Variants in PTPRR observed in about 807,000 individuals in gnomAD.
PTPRR encodes receptor-type tyrosine-protein phosphatase R.
A neutral mutation model predicts 77.2 loss-of-function variants in PTPRR; 38 were observed. The observed-to-expected ratio is 0.49, with a 90% confidence interval of 0.38 to 0.65. The LOEUF is 0.65. Among genes scored for constraint, PTPRR ranks in the 30% least tolerant of loss-of-function variants. PTPRR has a pLI of 0.00. For missense variants in PTPRR, 744 were observed against 799.2 expected (o/e 0.93, Z 0.83); for synonymous variants, 299 against 283.1 (o/e 1.06, Z -0.57).
chr12:70,724,535 C>A (rs1272196219), intron 6 of PTPRR, among the ~76,000 whole-genome samples: 13 of 152,180 alleles, frequency 8.5e-5, no homozygotes, highest in Admixed American at 8.5e-4. Context: ...TACTGCACTG[C>A]TATTGCTGCT....
At chr12:70,657,677 T>A (rs1592641760) in intron 12 of PTPRR, among the ~76,000 whole-genome samples, 1 of 152,210 alleles carries the variant, frequency 6.6e-6, no homozygotes, top group Non-Finnish European at 1.5e-5. Flanking sequence ...ATTCAATGTA[T>A]CTAAAACAGA....
chr12:70,851,338 G>A (rs4760766), intron 2 of PTPRR, among the ~76,000 whole-genome samples: 70,613 of 151,916 alleles, frequency 0.46, 17,112 homozygotes, highest in East Asian at 0.6. Context: ...CACAGAAGAT[G>A]ATGGAATATT....
At chr12:70,812,230 G>T (rs191221736) in intron 2 of PTPRR, among the ~76,000 whole-genome samples, 1 of 152,092 alleles carries the variant, frequency 6.6e-6, no homozygotes, top group Non-Finnish European at 1.5e-5. Context: ...GTTGTAAATG[G>T]CAATATAATT....
chr12:70,766,813 C>T (rs1285341692), intron 2 of PTPRR, among the ~76,000 whole-genome samples: 5 of 152,178 alleles, frequency 3.3e-5, no homozygotes, highest in Non-Finnish European at 7.3e-5. Context: ...AACAGCGGAT[C>T]TCTCAACAGA....
chr12:70,672,862 T>A, intron 10 of PTPRR: 1 of 1,558,980 alleles, frequency 6.4e-7, no homozygotes, highest in Non-Finnish European at 8.7e-7. Context: ...GGTGGTGTGA[T>A]GGCTCCTGCA....
At chr12:70,894,627 C>A (rs1163334616) in intron 1 of PTPRR, among the ~76,000 whole-genome samples, 2 of 151,648 alleles carry the variant, frequency 1.3e-5, no homozygotes, top group Non-Finnish European at 3.0e-5. Context: ...TAAATACACA[C>A]CTTGTGGTCA....
At chr12:70,733,953 A>G (rs898166258) in intron 6 of PTPRR, among the ~76,000 whole-genome samples, 2 of 152,198 alleles carry the variant, frequency 1.3e-5, no homozygotes, top group African/African-American at 4.8e-5. Context: ...TAAAATGCAC[A>G]TAGTGGGACC....
Position 70,639,292 on chromosome 12 carries a change from T to C in PTPRR, c.1881-15A>G. The C allele has an allele frequency of 6.2e-7, 1 of 1,609,218 alleles. No individual in the cohort carries two copies. Among genetic ancestry groups the C allele is most frequent in the Non-Finnish European group, 8.5e-7 (1 of 1,178,734 alleles). Reference sequence around the variant, plus strand: ...CCATTCCACCTCTGCAAGGAAGAAATCATAAAATAACTGATTTTGCTAAAA... The same window carrying C: ...CCATTCCACCTCTGCAAGGAAGAAACCATAAAATAACTGATTTTGCTAAAA... On this transcript the variant is annotated splice_polypyrimidine_tract_variant and intron_variant, in intron 13 of 13. Coordinates refer to ENST00000283228, the MANE Select transcript of PTPRR (RefSeq NM_002849.4).
intron 2 of PTPRR, among the ~76,000 whole-genome samples, chr12:70,769,993 T>G (rs571580243): frequency 6.6e-6 from 1 of 152,098 alleles, no homozygotes; most frequent in Non-Finnish European, 1.5e-5. Context: ...CCTTACACCT[T>G]ATACAAAAAT....
intron 6 of PTPRR, among the ~76,000 whole-genome samples, chr12:70,735,879 G>A (rs988881909): frequency 6.6e-6 from 1 of 152,162 alleles, no homozygotes; most frequent in African/African-American, 2.4e-5. Context: ...CATCAGCTGT[G>A]ACTCTGCATC....
intron 1 of PTPRR, among the ~76,000 whole-genome samples, chr12:70,901,348 T>A (rs936475621): frequency 6.6e-6 from 1 of 151,374 alleles, no homozygotes; most frequent in Non-Finnish European, 1.5e-5. Context: ...GATACGAAAA[T>A]AACCTAAGTG....
intron 2 of PTPRR, among the ~76,000 whole-genome samples, chr12:70,808,084 G>A (rs1891742949): frequency 6.6e-6 from 1 of 151,994 alleles, no homozygotes; most frequent in African/African-American, 2.4e-5. Context: ...GCATTCCCAG[G>A]GGAGGCCTCT....
chr12:70,730,418 G>T (rs1889612511), intron 6 of PTPRR, among the ~76,000 whole-genome samples: 1 of 152,110 alleles, frequency 6.6e-6, no homozygotes, highest in South Asian at 2.1e-4. Context: ...GACTGAGGCA[G>T]GAGAATAGCT....
chr12:70,771,260 C>T (rs1890969804), intron 2 of PTPRR, among the ~76,000 whole-genome samples: 1 of 152,002 alleles, frequency 6.6e-6, no homozygotes, highest in Admixed American at 6.6e-5. Context: ...CACATGGTTG[C>T]AGCCAGACCA....
intron 4 of PTPRR, among the ~76,000 whole-genome samples, chr12:70,757,174 C>T (rs998942424): frequency 4.6e-5 from 7 of 152,168 alleles, no homozygotes; most frequent in Admixed American, 3.9e-4. Context: ...TAAACTCACA[C>T]ATTATTGTTT....
intron 10 of PTPRR, among the ~76,000 whole-genome samples, chr12:70,679,112 T>C (rs1887560334): frequency 6.6e-6 from 1 of 152,248 alleles, no homozygotes; most frequent in Non-Finnish European, 1.5e-5. Context: ...CCAAAGACTT[T>C]GATATGCTGT....
At chr12:70,703,343 T>G (rs778796477) in intron 6 of PTPRR, among the ~76,000 whole-genome samples, 3 of 152,198 alleles carry the variant, frequency 2.0e-5, no homozygotes, top group African/African-American at 7.2e-5. Context: ...TTTGGATCAC[T>G]GGGTTAGGGA....
intron 2 of PTPRR, among the ~76,000 whole-genome samples, chr12:70,873,416 T>A (rs1176516455): frequency 6.6e-6 from 1 of 152,202 alleles, no homozygotes; most frequent in African/African-American, 2.4e-5. Context: ...GGAACCAGAA[T>A]TCTTAAAATC....
chr12:70,860,496 A>G (rs901785227), intron 2 of PTPRR, among the ~76,000 whole-genome samples: 17 of 152,258 alleles, frequency 1.1e-4, no homozygotes, highest in African/African-American at 4.1e-4. Context: ...TTACATGTGG[A>G]AACTTCTGTA....
Sources: gnomAD v4.1 joint callset for allele counts (sites outside exome capture counted in the v4.1 genomes callset) on GRCh38, gnomAD v4.1.1 for gene constraint, MANE v1.5 for transcripts, NCBI Gene and HGNC (gene_info 2026-07-23, HGNC 2026-07-21) for gene names.